Variants in DSCC1 observed in about 807,000 individuals in gnomAD.
DSCC1 encodes the protein DNA replication and sister chromatid cohesion 1, also known as sister chromatid cohesion protein DCC1.
Under a neutral mutation model 48.2 loss-of-function variants are expected in DSCC1, and 32 were observed. The observed-to-expected ratio is 0.66, with a 90% CI of 0.50 to 0.89. The LOEUF (loss-of-function observed/expected upper bound fraction) is 0.89. Ranked by LOEUF, DSCC1 falls within the 40% of genes least tolerant of loss-of-function variation. The pLI, the probability that DSCC1 is intolerant of heterozygous loss-of-function variation, is 0.00. For missense variants in DSCC1, 421 were observed against 471.7 expected (o/e 0.89, Z 1.00); for synonymous variants, 150 against 171.5 (o/e 0.87, Z 0.98).
intron 1 of DSCC1, among the ~76,000 whole-genome samples, chr8:119,853,460 A>C (rs1035894982): frequency 2.2e-4 from 30 of 138,732 alleles, no homozygotes; most frequent in Admixed American, 1.2e-3. Context: ...ACAGATCCAT[A>C]GAGGCCAAGA....
At chr8:119,852,826 G>A in intron 2 of DSCC1, 2 of 400,502 alleles carry the variant, frequency 5.0e-6, no homozygotes, top group East Asian at 3.9e-5. Flanking sequence ...GATCAAATTG[G>A]GACTTGAAAA....
chr8:119,843,713 C>T lies in DSCC1; in HGVS notation c.612G>A (p.Met204Ile). 1 of 1,612,306 alleles carries T rather than the reference C, an allele frequency of 6.2e-7. No homozygotes were observed. The highest frequency in any genetic ancestry group is 8.5e-7 in the Non-Finnish European group (1 of 1,179,596). ...GCTGAGTTACATGATTCAGAAGTTT[C>T]ATCTCATAATCAAATTCAAGAATCC... ...YWRILEFDYE[M>I]KLLNHVTQLV... Residue 204 changes from methionine (M) to isoleucine (I), a missense_variant, in exon 5 of 9, where the codon ATG becomes ATA. Coordinates refer to ENST00000313655, the MANE Select transcript of DSCC1 (RefSeq NM_024094.3).
Position 119,855,844 on chromosome 8 carries a change from T to C in DSCC1, c.-49A>G, listed in dbSNP as rs761922545. ...CGCCGCGCCCGGGTGGCTGCGGGCT[T>C]GGCGGGCAAGAAAGAAGTTCCCAAG... On this transcript the variant is annotated 5_prime_UTR_variant, in exon 1 of 9. Coordinates refer to ENST00000313655, the MANE Select transcript of DSCC1 (RefSeq NM_024094.3). The C allele has an allele frequency of 7.1e-6, 10 of 1,413,662 alleles. No homozygotes were observed. The South Asian group carries it at 1.5e-4, about 22-fold the overall frequency. 87.6% of individuals were successfully genotyped at this position (1,413,662 alleles called of 1,614,324 possible).
At chr8:119,855,461 G>C (rs1191470304) in intron 1 of DSCC1, among the ~76,000 whole-genome samples, 153 bp downstream of exon 1, 1 of 152,214 alleles carries the variant, frequency 6.6e-6, no homozygotes, top group East Asian at 1.9e-4. Flanking sequence ...ACGGCCCACC[G>C]GAGGCGTGGA....
At position 119,835,510 on chromosome 8, in the gene DSCC1, AAAAC is replaced by A. The variant is rs998204198; in HGVS notation, c.1074-513_1074-510del. Among the ~76,000 whole-genome samples the A allele has an allele frequency of 1.6e-4, 25 of 152,142 alleles. No individual in the cohort carries two copies. The East Asian group carries it at 4.3e-3, about 26-fold the overall frequency. On this transcript the variant is annotated intron_variant, in intron 8 of 8. Coordinates refer to ENST00000313655, the MANE Select transcript of DSCC1 (RefSeq NM_024094.3). ...TGACAGTGTGAGACTCTGTCTCAAA[AAAAC>A]AAACAAAAAAAAAAGCAAAAAACAA...
Position 119,838,366 on chromosome 8 carries a change from TATG to T in DSCC1, c.963_965del (p.Ile322del). 1 of 1,608,540 alleles carries T rather than the reference TATG, an allele frequency of 6.2e-7. No individual in the cohort carries two copies. The highest frequency in any genetic ancestry group is 8.5e-7 in the Non-Finnish European group (1 of 1,177,996). The stretch of plus-strand genomic sequence containing the variant: ...GTAAATCATCTACTTTCAGCAAAAA[TATG>T]ATTTCTGGTCTCGAGTGTCTATCCA... On this transcript the variant is annotated inframe_deletion, in exon 8 of 9. Transcript: ENST00000313655.
chr8:119,850,556 T>G (rs2131309555), intron 2 of DSCC1, 40 bp from the exon 3 acceptor site: 2 of 1,492,956 alleles, frequency 1.3e-6, no homozygotes, highest in East Asian at 4.9e-5. Flanking sequence ...GGGGCCATTC[T>G]AAAGGAAAAT....
rs999543926 is a variant in DSCC1, at chr8:119,841,789, A to G, written c.924+5T>C. Reference sequence around the variant, plus strand: ...AAGTAAGGTGGCAATGTCTATTGCTATTACCTTAAGCTGATCAAGACTAGT... The same window carrying G: ...AAGTAAGGTGGCAATGTCTATTGCTGTTACCTTAAGCTGATCAAGACTAGT... On this transcript the variant is annotated splice_donor_5th_base_variant and intron_variant, in intron 7 of 8. Coordinates refer to ENST00000313655, the MANE Select transcript of DSCC1 (RefSeq NM_024094.3). 3.7e-6 allele frequency: 6 copies of G among 1,611,920 alleles called. No individual in the cohort carries two copies. The highest frequency in any genetic ancestry group is 2.7e-5 in the African/African-American group (2 of 74,868).
In DSCC1 at chr8:119,853,236, AAT is replaced by A. The variant is rs374377024; in HGVS notation, c.183-23_183-22del. 134 of 1,592,616 alleles carry A rather than the reference AAT, an allele frequency of 8.4e-5. 1 individual carries two copies. In the African/African-American group the frequency reaches 1.4e-3, roughly 16 times the overall value. On this transcript the variant is annotated intron_variant, in intron 1 of 8. Coordinates refer to ENST00000313655, the MANE Select transcript of DSCC1 (RefSeq NM_024094.3). ...CAAGACTGTAGCAAAATGGGGGAAA[AAT>A]ATATAGTTTATTGACAATCCAGTAG...
At chr8:119,848,575 C>G (rs1012213630) in intron 3 of DSCC1, among the ~76,000 whole-genome samples, 4 of 152,210 alleles carry the variant, frequency 2.6e-5, no homozygotes, top group Non-Finnish European at 4.4e-5. Context: ...TTGAAAGCTT[C>G]TACAGAGTCA....
chr8:119,853,690 C>A (rs1198428548), intron 1 of DSCC1, among the ~76,000 whole-genome samples: 1 of 145,368 alleles, frequency 6.9e-6, no homozygotes, highest in African/African-American at 2.6e-5. Flanking sequence ...AACAAGTTCC[C>A]GAAGAAAGGC....
intron 6 of DSCC1, among the ~76,000 whole-genome samples, chr8:119,842,294 A>C (rs570268944): frequency 1.3e-5 from 2 of 151,706 alleles, no homozygotes; most frequent in South Asian, 4.2e-4. Flanking sequence ...GGCTTGTCTC[A>C]AACTCCTGAC....
chr8:119,838,427 A>C lies in DSCC1; in HGVS notation c.925-20T>G. The C allele has an allele frequency of 6.5e-7, 1 of 1,542,466 alleles. No homozygotes were observed. The highest frequency in any genetic ancestry group is 8.7e-7 in the Non-Finnish European group (1 of 1,149,038). On this transcript the variant is annotated intron_variant, in intron 7 of 8. Coordinates refer to ENST00000313655, the MANE Select transcript of DSCC1 (RefSeq NM_024094.3). ...TAAACCCTACAAGAAATGAGAAGAA[A>C]CAGAGCAGTTAAAGTAATGTTGTAA... is the stretch of plus-strand genomic sequence containing the variant.
rs755845729 is a variant in DSCC1 at position 119,853,103 on chromosome 8, T to C, written c.295A>G (p.Lys99Glu). Residue 99 changes from lysine (K) to glutamate (E), a missense_variant, in exon 2 of 9, where the codon AAA becomes GAA. Transcript: ENST00000313655. ...TCCTTCTTCAACTGGTCCGGAGTTTTACAACCAGGAATGAAAAGCAACATA... is the reference window on the plus strand; with the variant it reads ...TCCTTCTTCAACTGGTCCGGAGTTTCACAACCAGGAATGAAAAGCAACATA... ...SNMLLFIPGC[K>E]TPDQLKKEDS... is the part of the protein sequence containing the mutation. 1.2e-6 allele frequency: 2 copies of C among 1,613,970 alleles called. No homozygotes were observed. The highest frequency in any genetic ancestry group is 1.1e-5 in the South Asian group (1 of 91,082).
chr8:119,840,443 T>G (rs754393996), intron 7 of DSCC1: 2 of 152,292 alleles, frequency 1.3e-5, no homozygotes, highest in Non-Finnish European at 2.9e-5. Flanking sequence ...AAGCTTTGTG[T>G]GAAGGTCCTA....
chr8:119,851,392 G>A (rs1335709787), intron 2 of DSCC1, among the ~76,000 whole-genome samples: 1 of 152,284 alleles, frequency 6.6e-6, no homozygotes, highest in African/African-American at 2.4e-5. Context: ...TTTATCCATA[G>A]TTAAAAGTGG....
chr8:119,851,004 C>G (rs1438006001), intron 2 of DSCC1, among the ~76,000 whole-genome samples: 1 of 152,156 alleles, frequency 6.6e-6, no homozygotes, highest in Non-Finnish European at 1.5e-5. Flanking sequence ...CTGTTTAATA[C>G]AAGATCTTTC....
intron 2 of DSCC1, 25 bp from the exon 3 acceptor site, chr8:119,850,541 T>C: frequency 1.3e-6 from 2 of 1,526,544 alleles, no homozygotes; most frequent in South Asian, 1.3e-5. Flanking sequence ...TATCGTAACC[T>C]TTTAGGGGCC....
At chr8:119,841,986 T>G in intron 6 of DSCC1, 38 bp from the exon 7 acceptor site, 1 of 1,591,886 alleles carries the variant, frequency 6.3e-7, no homozygotes, top group South Asian at 1.1e-5. Context: ...TATTATCATC[T>G]TACAATTAAA....
Sources: gnomAD v4.1 joint callset for allele counts (sites outside exome capture counted in the v4.1 genomes callset) on GRCh38, gnomAD v4.1.1 for gene constraint, MANE v1.5 for transcripts, NCBI Gene and HGNC (gene_info 2026-07-23, HGNC 2026-07-21) for gene names.